Variants in PURA observed in about 807,000 individuals in gnomAD.
PURA encodes the protein transcriptional activator protein Pur-alpha.
A neutral mutation model predicts 23.1 loss-of-function variants in PURA; 2 were observed. That is an observed-to-expected ratio of 0.09 (90% CI 0.04 to 0.27). The LOEUF is 0.27. Ranked by LOEUF, PURA falls within the 10% of genes least tolerant of loss-of-function variation. The probability of loss-of-function intolerance (pLI) is 1.00; values close to 1 mark genes in which losing one functional copy is unlikely to be tolerated. For missense variants in PURA, 187 were observed against 449.7 expected (o/e 0.42, Z 5.28); for synonymous variants, 254 against 205.9 (o/e 1.23, Z -2.00).
rs1193272428 is a variant in PURA, at chr5:140,117,851, A to T, written c.*2701A>T. 6.0e-6 allele frequency: 1 copy of T among 166,490 alleles called. No individual in the cohort carries two copies. The highest frequency in any genetic ancestry group is 1.5e-5 in the Non-Finnish European group (1 of 68,096). The allele number at this position is 166,490 out of a possible 1,614,324, so 10.3% of individuals were successfully genotyped here. ...TGGGTTTAAAAAGAAATCCACATGC[A>T]GATCTTTTAAGACTTAAAAAGTGAT... On this transcript the variant is annotated 3_prime_UTR_variant, in exon 1 of 1. Transcript: ENST00000331327.
rs533927679 is a variant in PURA at position 140,124,245 on chromosome 5, A to C, written c.*9095A>C. 1.2e-5 allele frequency: 2 copies of C among 166,980 alleles called. No individual in the cohort carries two copies. The highest frequency in any genetic ancestry group is 2.9e-5 in the Non-Finnish European group (2 of 68,078). 10.3% of individuals were successfully genotyped at this position (166,980 alleles called of 1,614,324 possible). A position where few individuals can be genotyped will look rare whatever the true frequency, so the allele number is the denominator to read the frequency against. On this transcript the variant is annotated 3_prime_UTR_variant, in exon 1 of 1. Coordinates refer to ENST00000331327, the MANE Select transcript of PURA (RefSeq NM_005859.5). ...TTTTTGTAAGTTATTTGGTTATTTC[A>C]TTTTATATTCCCTTTCCCATAGCTT...
rs144048243 is a variant in PURA, at chr5:140,115,188, TACACACAC to T, written c.*46_*53del. On this transcript the variant is annotated 3_prime_UTR_variant, in exon 1 of 1. Coordinates refer to ENST00000331327, the MANE Select transcript of PURA (RefSeq NM_005859.5). This position sits in a 1 kb window ranked among gnomAD's most constrained non-coding sequence, Gnocchi z 4.1. Reference sequence around the variant, plus strand: ...AAACCCCCACACACACACACATGCATACACACACACACACAGCCACACACACAGAAAAT... The same window carrying T: ...AAACCCCCACACACACACACATGCATACACACAGCCACACACACAGAAAAT... The T allele has an allele frequency of 2.9e-6, 3 of 1,049,722 alleles. No homozygotes were observed. In the African/African-American group the frequency reaches 5.1e-5, roughly 18 times the overall value. The allele number at this position is 1,049,722 out of a possible 1,614,324, so 65.0% of individuals were successfully genotyped here. A position where few individuals can be genotyped will look rare whatever the true frequency, so the allele number is the denominator to read the frequency against.
chr5:140,115,424 G>T lies in PURA; in HGVS notation c.*274G>T. The T allele has an allele frequency of 4.0e-6, 1 of 251,436 alleles. No individual in the cohort carries two copies. The allele number at this position is 251,436 out of a possible 1,614,324, so 15.6% of individuals were successfully genotyped here. A position where few individuals can be genotyped will look rare whatever the true frequency, so the allele number is the denominator to read the frequency against. On this transcript the variant is annotated 3_prime_UTR_variant, in exon 1 of 1. Transcript: ENST00000331327. The surrounding 1 kb of genome is among the most constrained non-coding windows in gnomAD (Gnocchi z 4.1). ...GCTAAAAACAAAAAAAATACAAAAA[G>T]TAATAACATTATATGAACTGTGTTT...
At position 140,120,303 on chromosome 5, in the gene PURA, A is replaced by G. The variant is rs1042970386; in HGVS notation, c.*5153A>G. On this transcript the variant is annotated 3_prime_UTR_variant, in exon 1 of 1. Transcript: ENST00000331327. ...CTTGAGAGTGGAATAAGTAGGAGAG[A>G]TAATTTATTGGAATTGCTTACATAG... 3 of 166,976 alleles carry G rather than the reference A, an allele frequency of 1.8e-5. No homozygotes were observed. The East Asian group carries it at 5.8e-4, about 32-fold the overall frequency. The allele number at this position is 166,976 out of a possible 1,614,324, so 10.3% of individuals were successfully genotyped here.
At position 140,115,169 on chromosome 5, in the gene PURA, C is replaced by CCA. The variant is rs574050232; in HGVS notation, c.*32_*33dup. 0.012 allele frequency: 16,201 copies of CCA among 1,374,462 alleles called. 177 individuals carry two copies. The highest frequency in any genetic ancestry group is 0.062 in the Admixed American group (2,597 of 41,802). The allele number at this position is 1,374,462 out of a possible 1,614,324, so 85.1% of individuals were successfully genotyped here. A position where few individuals can be genotyped will look rare whatever the true frequency, so the allele number is the denominator to read the frequency against. ...AGATTGATCAAACTGAATGAAACCCCCACACACACACACATGCATACACAC... is the reference window on the plus strand; with the variant it reads ...AGATTGATCAAACTGAATGAAACCCCCACACACACACACACATGCATACACAC... On this transcript the variant is annotated 3_prime_UTR_variant, in exon 1 of 1. Coordinates refer to ENST00000331327, the MANE Select transcript of PURA (RefSeq NM_005859.5). The surrounding 1 kb of genome is among the most constrained non-coding windows in gnomAD (Gnocchi z 4.1).
rs999458317 is a variant in PURA at position 140,121,528 on chromosome 5, C to T, written c.*6378C>T. On this transcript the variant is annotated 3_prime_UTR_variant, in exon 1 of 1. Coordinates refer to ENST00000331327, the MANE Select transcript of PURA (RefSeq NM_005859.5). ...ATGTACATCTGGCATCTTCTCTCTC[C>T]TATCCTTTTTCTTTGTTTCTCTCTC... The T allele has an allele frequency of 6.0e-6, 1 of 166,774 alleles. No individual in the cohort carries two copies. The highest frequency in any genetic ancestry group is 1.5e-5 in the Non-Finnish European group (1 of 67,976). 10.3% of individuals were successfully genotyped at this position (166,774 alleles called of 1,614,324 possible).
chr5:140,122,909 A>C lies in PURA; in HGVS notation c.*7759A>C, dbSNP rs1027291557. 1.8e-5 allele frequency: 3 copies of C among 166,842 alleles called. No individual in the cohort carries two copies. The highest frequency in any genetic ancestry group is 7.2e-5 in the African/African-American group (3 of 41,442). The allele number at this position is 166,842 out of a possible 1,614,324, so 10.3% of individuals were successfully genotyped here. On this transcript the variant is annotated 3_prime_UTR_variant, in exon 1 of 1. Transcript: ENST00000331327. ...CTGGTGATTTGGACAGATTACTTTGAAGTTTCATTTTACTCACATCTCTAT... is the reference window on the plus strand; with the variant it reads ...CTGGTGATTTGGACAGATTACTTTGCAGTTTCATTTTACTCACATCTCTAT...
rs1763202075 is a variant in PURA, at chr5:140,125,461, C to G, written c.*10311C>G. On this transcript the variant is annotated 3_prime_UTR_variant, in exon 1 of 1. Coordinates refer to ENST00000331327, the MANE Select transcript of PURA (RefSeq NM_005859.5). Reference sequence around the variant, plus strand: ...TCTAGACATGGGAGCCTTCCTGGTTCAAGGCAGGGGTCAGGGTGCCTGACA... The same window carrying G: ...TCTAGACATGGGAGCCTTCCTGGTTGAAGGCAGGGGTCAGGGTGCCTGACA... 1 of 167,008 alleles carries G rather than the reference C, an allele frequency of 6.0e-6. No homozygotes were observed. The highest frequency in any genetic ancestry group is 2.1e-4 in the South Asian group (1 of 4,830). The allele number at this position is 167,008 out of a possible 1,614,324, so 10.3% of individuals were successfully genotyped here. A position where few individuals can be genotyped will look rare whatever the true frequency, so the allele number is the denominator to read the frequency against.
At position 140,117,201 on chromosome 5, in the gene PURA, T is replaced by A. The variant is rs1351859386; in HGVS notation, c.*2051T>A. 1 of 167,076 alleles carries A rather than the reference T, an allele frequency of 6.0e-6. No homozygotes were observed. The highest frequency in any genetic ancestry group is 2.4e-5 in the African/African-American group (1 of 41,456). 10.3% of individuals were successfully genotyped at this position (167,076 alleles called of 1,614,324 possible). ...AAATATGAGGTGACCGTACAGTAGT[T>A]AGGAGTTTCTTTACTTACAAAATCA... On this transcript the variant is annotated 3_prime_UTR_variant, in exon 1 of 1. Coordinates refer to ENST00000331327, the MANE Select transcript of PURA (RefSeq NM_005859.5).
rs1197267451 is a variant in PURA at position 140,120,090 on chromosome 5, A to G, written c.*4940A>G. On this transcript the variant is annotated 3_prime_UTR_variant, in exon 1 of 1. Coordinates refer to ENST00000331327, the MANE Select transcript of PURA (RefSeq NM_005859.5). Reference sequence around the variant, plus strand: ...CTTGCTATCTATGTAAAAGGATGCTAAAACAAGGGCATCTGTAGCAACTTA... The same window carrying G: ...CTTGCTATCTATGTAAAAGGATGCTGAAACAAGGGCATCTGTAGCAACTTA... The G allele has an allele frequency of 6.0e-6, 1 of 166,870 alleles. No individual in the cohort carries two copies. The highest frequency in any genetic ancestry group is 1.5e-5 in the Non-Finnish European group (1 of 67,946). 10.3% of individuals were successfully genotyped at this position (166,870 alleles called of 1,614,324 possible).
Position 140,124,111 on chromosome 5 carries a change from T to C in PURA, c.*8961T>C, listed in dbSNP as rs919451425. On this transcript the variant is annotated 3_prime_UTR_variant, in exon 1 of 1. Transcript: ENST00000331327. ...AACAAAAAGTGTACCTGTGAACATA[T>C]TTTTTGTCTTGGTGATATTATGCAA... 4 of 167,002 alleles carry C rather than the reference T, an allele frequency of 2.4e-5. No individual in the cohort carries two copies. Among genetic ancestry groups the C allele is most frequent in the Admixed American group, 6.5e-5 (1 of 15,272 alleles). 10.3% of individuals were successfully genotyped at this position (167,002 alleles called of 1,614,324 possible). A position where few individuals can be genotyped will look rare whatever the true frequency, so the allele number is the denominator to read the frequency against.
rs773489265 is a variant in PURA, at chr5:140,114,327, G to T, written c.146G>T (p.Gly49Val). The change falls in exon 1 of 1, where the codon GGG (glycine) becomes GTG (valine). Residue 49 changes from glycine (G) to valine (V), a missense_variant. Gly to Val is a moderately radical substitution (Grantham distance 109). This residue lies in a region of PURA where 27 missense variants were observed against 55.2 expected (regional missense o/e 0.49). Transcript: ENST00000331327. ...GGGGSGGGGG[G>V]APGGLQHETQ... ...GGCGGCAGTGGCGGCGGCGGCGGCGGGGCCCCAGGGGGGCTGCAGCACGAG... is the reference window on the plus strand; with the variant it reads ...GGCGGCAGTGGCGGCGGCGGCGGCGTGGCCCCAGGGGGGCTGCAGCACGAG... 16 of 1,362,140 alleles carry T rather than the reference G, an allele frequency of 1.2e-5. No individual in the cohort carries two copies. The African/African-American group carries it at 1.5e-4, about 13-fold the overall frequency. The allele number at this position is 1,362,140 out of a possible 1,614,324, so 84.4% of individuals were successfully genotyped here. A position where few individuals can be genotyped will look rare whatever the true frequency, so the allele number is the denominator to read the frequency against.
Position 140,124,499 on chromosome 5 carries a change from T to C in PURA, c.*9349T>C, listed in dbSNP as rs1297587149. 6 of 167,054 alleles carry C rather than the reference T, an allele frequency of 3.6e-5. No individual in the cohort carries two copies. In the East Asian group the frequency reaches 1.2e-3, roughly 32 times the overall value. 10.3% of individuals were successfully genotyped at this position (167,054 alleles called of 1,614,324 possible). ...AGTCCTTTATAACATAGTGTGAATG[T>C]TTGTGGCCAATTCAATTGTGGAATC... On this transcript the variant is annotated 3_prime_UTR_variant, in exon 1 of 1. Coordinates refer to ENST00000331327, the MANE Select transcript of PURA (RefSeq NM_005859.5).
rs1763152926 is a variant in PURA, at chr5:140,121,497, CT to C, written c.*6349del. 6.0e-6 allele frequency: 1 copy of C among 166,834 alleles called. No individual in the cohort carries two copies. Among genetic ancestry groups the C allele is most frequent in the Non-Finnish European group, 1.5e-5 (1 of 67,962 alleles). The allele number at this position is 166,834 out of a possible 1,614,324, so 10.3% of individuals were successfully genotyped here. ...TTGGTGGTGGTACTTGACCTACCTC[CT>C]TACCATGTACATCTGGCATCTTCTC... is the stretch of plus-strand genomic sequence containing the variant. On this transcript the variant is annotated 3_prime_UTR_variant, in exon 1 of 1. Coordinates refer to ENST00000331327, the MANE Select transcript of PURA (RefSeq NM_005859.5).
Position 140,115,533 on chromosome 5 carries a change from A to G in PURA, c.*383A>G, listed in dbSNP as rs567503270. The G allele has an allele frequency of 5.9e-6, 1 of 170,098 alleles. No individual in the cohort carries two copies. The highest frequency in any genetic ancestry group is 1.8e-4 in the East Asian group (1 of 5,426). The allele number at this position is 170,098 out of a possible 1,614,324, so 10.5% of individuals were successfully genotyped here. ...TTTTGTACACGTTTAAGCTATTATT[A>G]TTAAAAAGTGTTTGCAAAATGGTCA... On this transcript the variant is annotated 3_prime_UTR_variant, in exon 1 of 1. Transcript: ENST00000331327. This position sits in a 1 kb window ranked among gnomAD's most constrained non-coding sequence, Gnocchi z 4.1.
At position 140,115,734 on chromosome 5, in the gene PURA, A is replaced by G. The variant is rs553378671; in HGVS notation, c.*584A>G. On this transcript the variant is annotated 3_prime_UTR_variant, in exon 1 of 1. Coordinates refer to ENST00000331327, the MANE Select transcript of PURA (RefSeq NM_005859.5). The surrounding 1 kb of genome is among the most constrained non-coding windows in gnomAD (Gnocchi z 4.1). ...TATTATAGTATATTTGACACCCTAT[A>G]TACCTGTGATTAGAGATGTGTATAT... 1.8e-5 allele frequency: 3 copies of G among 167,192 alleles called. No individual in the cohort carries two copies. In the Admixed American group the frequency reaches 2.0e-4, roughly 11 times the overall value. 10.4% of individuals were successfully genotyped at this position (167,192 alleles called of 1,614,324 possible).
chr5:140,114,110 G>C lies in PURA; in HGVS notation c.-72G>C. The stretch of plus-strand genomic sequence containing the variant: ...CAGGCGGAGCCGGGGAGGGAAAGCA[G>C]CGGCGGCTGAGGCGACTGAGGCGGC... On this transcript the variant is annotated 5_prime_UTR_variant, in exon 1 of 1. Transcript: ENST00000331327. 3.1e-6 allele frequency: 1 copy of C among 319,220 alleles called. No individual in the cohort carries two copies. The highest frequency in any genetic ancestry group is 5.4e-6 in the Non-Finnish European group (1 of 186,818). The allele number at this position is 319,220 out of a possible 1,614,324, so 19.8% of individuals were successfully genotyped here.
At position 140,122,108 on chromosome 5, in the gene PURA, C is replaced by T. The variant is rs1763159799; in HGVS notation, c.*6958C>T. ...CTATAGCTAGAGTTATGATAATGAT[C>T]ATGCATTATACAAGTCTGTTTTCAT... On this transcript the variant is annotated 3_prime_UTR_variant, in exon 1 of 1. Transcript: ENST00000331327. 2 of 166,792 alleles carry T rather than the reference C, an allele frequency of 1.2e-5. No individual in the cohort carries two copies. Among genetic ancestry groups the T allele is most frequent in the African/African-American group, 4.8e-5 (2 of 41,408 alleles). The allele number at this position is 166,792 out of a possible 1,614,324, so 10.3% of individuals were successfully genotyped here.
rs1343819042 is a variant in PURA, at chr5:140,121,348, T to TA, written c.*6199dup. ...AGTTAAAGTTATGGGACAGGTGAAT[T>TA]ACCTATTCATCTTGACTAGCTCAAA... On this transcript the variant is annotated 3_prime_UTR_variant, in exon 1 of 1. Coordinates refer to ENST00000331327, the MANE Select transcript of PURA (RefSeq NM_005859.5). 7 of 167,022 alleles carry TA rather than the reference T, an allele frequency of 4.2e-5. No individual in the cohort carries two copies. The highest frequency in any genetic ancestry group is 3.3e-4 in the Admixed American group (5 of 15,272). The allele number at this position is 167,022 out of a possible 1,614,324, so 10.3% of individuals were successfully genotyped here.
Sources: gnomAD v4.1 joint callset for allele counts on GRCh38, gnomAD v4.1.1 for gene constraint, gnomAD v4.1.1 regional missense constraint, Gnocchi (gnomAD v3.1) non-coding constraint, MANE v1.5 for transcripts, NCBI Gene and HGNC (gene_info 2026-07-23, HGNC 2026-07-21) for gene names.